The following ZNF99 variants were observed in gnomAD, a reference collection of about 807,000 sequenced individuals.
ZNF99 encodes zinc finger protein ENSP00000375192.
A neutral mutation model predicts 12.8 loss-of-function variants in ZNF99; 8 were observed. The observed-to-expected ratio is 0.62, with a 90% CI of 0.37 to 1.13. The LOEUF is 1.13. ZNF99 is among the 50% of genes most tolerant of loss of function. The pLI, the probability that ZNF99 is intolerant of heterozygous loss-of-function variation, is 0.02. For missense variants in ZNF99, 1,007 were observed against 1,006.2 expected, an observed-to-expected ratio of 1.00 and a Z score of -0.01; for synonymous variants, 318 against 319.0, an observed-to-expected ratio of 1.00 and a Z score of 0.03.
In ZNF99 at chr19:22,755,213, T is replaced by C; in HGVS notation, c.*2101A>G. The C allele has an allele frequency of 3.6e-6, 1 of 276,128 alleles. No individual in the cohort carries two copies. 17.1% of individuals were successfully genotyped at this position (276,128 alleles called of 1,614,324 possible). A position where few individuals can be genotyped will look rare whatever the true frequency, so the allele number is the denominator to read the frequency against. Reference sequence around the variant, plus strand: ...CCACTTTCTTCACATTTGTAGGGTTTTTCTCCAGTACGAATTTTCTTATGT... The same window carrying C: ...CCACTTTCTTCACATTTGTAGGGTTCTTCTCCAGTACGAATTTTCTTATGT... On this transcript the variant is annotated 3_prime_UTR_variant, in exon 4 of 4. Transcript: ENST00000596209.
rs928280609 is a variant in ZNF99 at position 22,753,471 on chromosome 19, C to T, written c.*3843G>A. ...TAAGCTGTAGTTTATAAACTTTTTT[C>T]CAAATTTATTACATTTGCAGGTTTT... On this transcript the variant is annotated 3_prime_UTR_variant, in exon 4 of 4. Coordinates refer to ENST00000596209, the MANE Select transcript of ZNF99 (RefSeq NM_001080409.3). 7.2e-5 allele frequency: 11 copies of T among 151,976 alleles called. No individual in the cohort carries two copies. The highest frequency in any genetic ancestry group is 2.0e-4 in the Admixed American group (3 of 15,254). The allele number at this position is 151,976 out of a possible 1,614,324, so 9.4% of individuals were successfully genotyped here. A position where few individuals can be genotyped will look rare whatever the true frequency, so the allele number is the denominator to read the frequency against.
rs1277304266 is a variant in ZNF99, at chr19:22,755,681, T to C, written c.*1633A>G. 4 of 292,026 alleles carry C rather than the reference T, an allele frequency of 1.4e-5. No individual in the cohort carries two copies. Among genetic ancestry groups the C allele is most frequent in the African/African-American group, 6.6e-5 (3 of 45,168 alleles). The allele number at this position is 292,026 out of a possible 1,614,324, so 18.1% of individuals were successfully genotyped here. A position where few individuals can be genotyped will look rare whatever the true frequency, so the allele number is the denominator to read the frequency against. On this transcript the variant is annotated 3_prime_UTR_variant, in exon 4 of 4. Transcript: ENST00000596209. ...AAAGTTTGAGGACTGGTTAAAAGCTTTGCCCATTCTTCATATTTGCAGTGT... is the reference window on the plus strand; with the variant it reads ...AAAGTTTGAGGACTGGTTAAAAGCTCTGCCCATTCTTCATATTTGCAGTGT...
chr19:22,760,877 C>T (rs755841396), intron 3 of ZNF99, among the ~76,000 whole-genome samples: 5 of 128,050 alleles, frequency 3.9e-5, no homozygotes, highest in Non-Finnish European at 6.4e-5. Flanking sequence ...GAGTAACATT[C>T]TTTATCTAAA....
chr19:22,777,955 T>C (rs147369426), intron 1 of ZNF99, among the ~76,000 whole-genome samples: 1,336 of 130,890 alleles, frequency 0.01, 19 homozygotes, highest in African/African-American at 0.036. Context: ...TAGGTGGGAA[T>C]TGAATAATGA....
At position 22,758,361 on chromosome 19, in the gene ZNF99, T is replaced by C; in HGVS notation, c.1548A>G (p.Lys516=). The C allele has an allele frequency of 6.2e-7, 1 of 1,605,276 alleles. No individual in the cohort carries two copies. The highest frequency in any genetic ancestry group is 1.1e-5 in the South Asian group (1 of 90,608). ...TAAGGGCTGAGAAATGCTTAAAAGC[T>C]TTGCCACATTCTTCACATTTGCAAG... ...EKPCKCEECG[K]AFKHFSALRK... Residue 516 remains lysine, a synonymous_variant, in exon 4 of 4, where the codon AAA becomes AAG. Transcript: ENST00000596209.
Position 22,755,254 on chromosome 19 carries a change from T to G in ZNF99, c.*2060A>C. ...TTTCTTATGTCTAATAAAGTTTAAC[T>G]GATTAAAAGCATTGCCACATTCTTC... On this transcript the variant is annotated 3_prime_UTR_variant, in exon 4 of 4. Transcript: ENST00000596209. The G allele has an allele frequency of 3.7e-6, 1 of 268,624 alleles. No homozygotes were observed. The allele number at this position is 268,624 out of a possible 1,614,324, so 16.6% of individuals were successfully genotyped here.
intron 1 of ZNF99, among the ~76,000 whole-genome samples, chr19:22,779,555 A>C (rs1187651462): frequency 6.6e-6 from 1 of 152,150 alleles, no homozygotes; most frequent in South Asian, 2.1e-4. Context: ...ATAAATAAAT[A>C]AATCAGCTGA....
At position 22,776,612 on chromosome 19, in the gene ZNF99, G is replaced by A. The variant is rs1599449480; in HGVS notation, c.4-7288C>T. On this transcript the variant is annotated intron_variant, in intron 1 of 3. Transcript: ENST00000596209. The stretch of plus-strand genomic sequence containing the variant: ...GGCAGTTGCAGAGAAAAGCGTATGC[G>A]CTGCTGCTAGGAGTGTAAATTAGTT... Among the ~76,000 whole-genome samples the A allele has an allele frequency of 2.0e-5, 3 of 151,352 alleles. 1 individual carries two copies. Among genetic ancestry groups the A allele is most frequent in the Non-Finnish European group, 1.5e-5 (1 of 67,800 alleles).
At chr19:22,781,186 A>C (rs1042272178) in intron 1 of ZNF99, among the ~76,000 whole-genome samples, 1 of 152,170 alleles carries the variant, frequency 6.6e-6, no homozygotes, top group Non-Finnish European at 1.5e-5. Flanking sequence ...TTTACAGTTA[A>C]AAAACTGAGG....
rs1328972300 is a variant in ZNF99, at chr19:22,757,286, C to T, written c.*28G>A. On this transcript the variant is annotated 3_prime_UTR_variant, in exon 4 of 4. Transcript: ENST00000596209. ...GTTAAAAGCTTTGCCACATTCTTCA[C>T]ATTTGTAGGGTTTCTTTCCAGTATG... The T allele has an allele frequency of 3.1e-6, 5 of 1,613,168 alleles. No individual in the cohort carries two copies. Among genetic ancestry groups the T allele is most frequent in the African/African-American group, 2.7e-5 (2 of 74,964 alleles).
Position 22,756,278 on chromosome 19 carries a change from T to C in ZNF99, c.*1036A>G. 6.4e-7 allele frequency: 1 copy of C among 1,571,546 alleles called. No homozygotes were observed. Among genetic ancestry groups the C allele is most frequent in the Non-Finnish European group, 8.6e-7 (1 of 1,157,864 alleles). ...AAGATGGTTAAAAGCTTTGCCACAT[T>C]CTTCACATTTGTAGGTTTTCCCTCC... On this transcript the variant is annotated 3_prime_UTR_variant, in exon 4 of 4. Transcript: ENST00000596209.
intron 1 of ZNF99, among the ~76,000 whole-genome samples, chr19:22,772,229 C>T (rs1056634402): frequency 2.6e-5 from 4 of 152,076 alleles, no homozygotes; most frequent in Admixed American, 2.6e-4. Context: ...ACAAAGTTGT[C>T]TGTCAGAAAT....
At chr19:22,772,734 ATAAG>A (rs1435191191) in intron 1 of ZNF99, among the ~76,000 whole-genome samples, 1 of 151,724 alleles carries the variant, frequency 6.6e-6, no homozygotes. Flanking sequence ...TAGTGTCTCT[ATAAG>A]TTTGACAACT....
intron 1 of ZNF99, among the ~76,000 whole-genome samples, chr19:22,778,426 C>G (rs1490509176): frequency 1.3e-5 from 2 of 152,130 alleles, no homozygotes; most frequent in Non-Finnish European, 2.9e-5. Flanking sequence ...TCTCCAACAC[C>G]AACTCACTGA....
chr19:22,769,784 A>T, intron 1 of ZNF99: 1 of 1,110,666 alleles, frequency 9.0e-7, no homozygotes, highest in Admixed American at 4.1e-5. Flanking sequence ...TAAAGAAAAG[A>T]AAAAAAGAAA....
intron 3 of ZNF99, among the ~76,000 whole-genome samples, chr19:22,767,518 G>A (rs7252133): frequency 0.086 from 13,023 of 152,044 alleles, 575 homozygotes; most frequent in Middle Eastern, 0.11. Flanking sequence ...ACAAGAAAAA[G>A]ATTGATATTA....
rs71357933 is a variant in ZNF99 at position 22,756,302 on chromosome 19, C to T, written c.*1012G>A. ...TTCTTCACATTTGTAGGTTTTCCCTCCAGTATGAATTGTTTTATGTTGAGT... is the reference window on the plus strand; with the variant it reads ...TTCTTCACATTTGTAGGTTTTCCCTTCAGTATGAATTGTTTTATGTTGAGT... On this transcript the variant is annotated 3_prime_UTR_variant, in exon 4 of 4. Coordinates refer to ENST00000596209, the MANE Select transcript of ZNF99 (RefSeq NM_001080409.3). The T allele has an allele frequency of 1.4e-5, 22 of 1,573,700 alleles. 1 individual carries two copies. Among genetic ancestry groups the T allele is most frequent in the Middle Eastern group, 3.4e-4 (2 of 5,902 alleles).
intron 1 of ZNF99, 124 bp from the exon 2 acceptor site, chr19:22,769,448 G>A (rs1342017541): frequency 2.2e-5 from 23 of 1,026,396 alleles, no homozygotes; most frequent in Middle Eastern, 4.6e-4. Context: ...ATGACTGAAC[G>A]TATTCAGTAA....
chr19:22,762,298 T>C (rs926225127), intron 3 of ZNF99, among the ~76,000 whole-genome samples: 18 of 151,956 alleles, frequency 1.2e-4, no homozygotes, highest in African/African-American at 3.9e-4. Flanking sequence ...AGAAATGAAA[T>C]GGGAGATATT....
Sources: gnomAD v4.1 joint callset for allele counts (sites outside exome capture counted in the v4.1 genomes callset) on GRCh38, gnomAD v4.1.1 for gene constraint, MANE v1.5 for transcripts, NCBI Gene and HGNC (gene_info 2026-07-23, HGNC 2026-07-21) for gene names.